Variants in HMGCLL1 observed in about 807,000 individuals in gnomAD.
HMGCLL1 encodes 3-hydroxy-3-methylglutaryl-CoA lyase like 1.
Under a neutral mutation model 39.1 loss-of-function variants are expected in HMGCLL1, and 36 were observed. That is an observed-to-expected ratio of 0.92 (90% confidence interval 0.71 to 1.22). The LOEUF is 1.22. Among genes scored for constraint, HMGCLL1 ranks in the 50% most tolerant of loss-of-function variants. The pLI, the probability that HMGCLL1 is intolerant of heterozygous loss-of-function variation, is 0.00. For missense variants in HMGCLL1, 451 were observed against 416.5 expected (o/e 1.08, Z -0.72); for synonymous variants, 149 against 144.0 (o/e 1.03, Z -0.25).
chr6:55,438,598 T>C (rs1251363778), intron 8 of HMGCLL1, among the ~76,000 whole-genome samples: 3 of 151,924 alleles, frequency 2.0e-5, no homozygotes, highest in Non-Finnish European at 4.4e-5. Context: ...CACATGGTAG[T>C]GAAAACCTGA....
the HMGCLL1 span, among the ~76,000 whole-genome samples, chr6:55,618,515 T>A: frequency 6.6e-6 from 1 of 150,652 alleles, no homozygotes; most frequent in Non-Finnish European, 1.5e-5. Context: ...ATCAAAAAAA[T>A]AATTCAATGT....
At chr6:55,496,696 A>G (rs1766600482) in intron 6 of HMGCLL1, among the ~76,000 whole-genome samples, 1 of 151,114 alleles carries the variant, frequency 6.6e-6, no homozygotes, top group Admixed American at 6.6e-5. Context: ...AGTGCTCCCA[A>G]GAAGCAGAAA....
the HMGCLL1 span, among the ~76,000 whole-genome samples, chr6:55,677,462 A>T: frequency 6.6e-6 from 1 of 152,206 alleles, no homozygotes; most frequent in Non-Finnish European, 1.5e-5. Context: ...AATTTACTTC[A>T]TTACAATTTA....
chr6:55,555,230 T>C (rs1397065203), intron 1 of HMGCLL1, among the ~76,000 whole-genome samples: 1 of 152,166 alleles, frequency 6.6e-6, no homozygotes, highest in African/African-American at 2.4e-5. Flanking sequence ...CCTGAGCATT[T>C]GCATTTGCCC....
chr6:55,520,277 T>TAAAG (rs1767973045), intron 3 of HMGCLL1, among the ~76,000 whole-genome samples: 2 of 118,816 alleles, frequency 1.7e-5, no homozygotes, highest in African/African-American at 3.1e-5. Context: ...AATAAATAAA[T>TAAAG]AAAAGAAAAA....
At chr6:55,555,874 G>A (rs1310833111) in intron 1 of HMGCLL1, among the ~76,000 whole-genome samples, 1 of 152,164 alleles carries the variant, frequency 6.6e-6, no homozygotes, top group Non-Finnish European at 1.5e-5. Context: ...CTTTTAAACA[G>A]TAGGTCCCAT....
In HMGCLL1 at chr6:55,514,194, A is replaced by C; in HGVS notation, c.396T>G (p.Val132=). Residue 132 remains valine (V), a splice_region_variant and synonymous_variant, in exon 5 of 9, where the codon GTT becomes GTG. Coordinates refer to ENST00000274901, the MANE Select transcript of HMGCLL1 (RefSeq NM_001042406.2). ...CTGATATCTCAGTAGCTCCAGCAGCAACCTGAAAAATATATAATTTAAAGC... is the reference window on the plus strand; with the variant it reads ...CTGATATCTCAGTAGCTCCAGCAGCCACCTGAAAAATATATAATTTAAAGC... The part of the protein sequence containing the change: ...TPNLQGFHHA[V]AAGATEISVF... 6.3e-7 allele frequency: 1 copy of C among 1,596,872 alleles called. No individual in the cohort carries two copies. Among genetic ancestry groups the C allele is most frequent in the Non-Finnish European group, 8.5e-7 (1 of 1,175,074 alleles).
the HMGCLL1 span, among the ~76,000 whole-genome samples, chr6:55,650,120 TATATATATATATATAC>T: frequency 4.8e-4 from 38 of 79,906 alleles, no homozygotes; most frequent in South Asian, 1.7e-3. Flanking sequence ...TATATATATA[TATATATATATATATAC>T]ACACACACAC....
At chr6:55,575,026 G>A (rs983292073) in intron 1 of HMGCLL1, among the ~76,000 whole-genome samples, 1 of 152,010 alleles carries the variant, frequency 6.6e-6, no homozygotes, top group Non-Finnish European at 1.5e-5. Flanking sequence ...GCATTAATAT[G>A]TGAAGAGATT....
At chr6:55,457,656 T>C (rs1358118461) in intron 7 of HMGCLL1, among the ~76,000 whole-genome samples, 1 of 152,188 alleles carries the variant, frequency 6.6e-6, no homozygotes, top group Non-Finnish European at 1.5e-5. Flanking sequence ...CCTTCTTTTT[T>C]CCTTCGTTCT....
the HMGCLL1 span, among the ~76,000 whole-genome samples, chr6:55,667,456 C>A: frequency 6.6e-6 from 1 of 151,720 alleles, no homozygotes; most frequent in South Asian, 2.1e-4. Context: ...AGATAAGAAT[C>A]CTGGATGCAG....
intron 3 of HMGCLL1, among the ~76,000 whole-genome samples, chr6:55,525,118 T>A (rs73449053): frequency 0.036 from 5,510 of 151,818 alleles, 343 homozygotes; most frequent in African/African-American, 0.13. Flanking sequence ...GCTCTGCCAC[T>A]GTTAGCATAA....
intron 1 of HMGCLL1, among the ~76,000 whole-genome samples, chr6:55,562,945 A>C (rs1581953431): frequency 6.6e-6 from 1 of 152,064 alleles, no homozygotes; most frequent in African/African-American, 2.4e-5. Context: ...AAATGCTTTG[A>C]TATACTACCA....
intron 7 of HMGCLL1, among the ~76,000 whole-genome samples, chr6:55,477,281 TATTATATA>T (rs1561904716): frequency 9.0e-5 from 2 of 22,160 alleles, no homozygotes; most frequent in African/African-American, 3.7e-4. Flanking sequence ...ATATATTATA[TATTATATA>T]TAAAATAATA....
Position 55,579,094 on chromosome 6 carries a change from C to A in HMGCLL1, c.-39G>T. ...GCGGCAGTCGGCGAGGGGAGGGAGACTGGAGGAGGATGAGGGGCGGGCACC... is the reference window on the plus strand; with the variant it reads ...GCGGCAGTCGGCGAGGGGAGGGAGAATGGAGGAGGATGAGGGGCGGGCACC... On this transcript the variant is annotated 5_prime_UTR_variant, in exon 1 of 9. Coordinates refer to ENST00000274901, the MANE Select transcript of HMGCLL1 (RefSeq NM_001042406.2). The A allele has an allele frequency of 6.7e-7, 1 of 1,492,806 alleles. No individual in the cohort carries two copies. The highest frequency in any genetic ancestry group is 9.2e-7 in the Non-Finnish European group (1 of 1,082,720). 92.5% of individuals were successfully genotyped at this position (1,492,806 alleles called of 1,614,324 possible). A position where few individuals can be genotyped will look rare whatever the true frequency, so the allele number is the denominator to read the frequency against.
the HMGCLL1 span, among the ~76,000 whole-genome samples, chr6:55,631,523 TC>T: frequency 6.6e-6 from 1 of 152,076 alleles, no homozygotes; most frequent in South Asian, 2.1e-4. Flanking sequence ...AACAATGCAG[TC>T]CCAGGAAAAG....
At chr6:55,462,669 T>C (rs1031029047) in intron 7 of HMGCLL1, among the ~76,000 whole-genome samples, 15 of 152,220 alleles carry the variant, frequency 9.9e-5, no homozygotes, top group African/African-American at 3.6e-4. Flanking sequence ...GCCAGCCATC[T>C]TTACCTGTGC....
chr6:55,628,401 A>T, the HMGCLL1 span, among the ~76,000 whole-genome samples: 1 of 150,536 alleles, frequency 6.6e-6, no homozygotes, highest in East Asian at 2.0e-4. Flanking sequence ...TCCTGGGTTC[A>T]AACAATTCTC....
chr6:55,518,449 A>G (rs1353204530), intron 3 of HMGCLL1, among the ~76,000 whole-genome samples: 1 of 152,128 alleles, frequency 6.6e-6, no homozygotes, highest in Non-Finnish European at 1.5e-5. Context: ...CCAGGATCTC[A>G]CCACTTTTCA....
Sources: allele counts gnomAD v4.1 joint callset (sites outside exome capture counted in the v4.1 genomes callset), GRCh38; gene constraint gnomAD v4.1.1; transcripts MANE v1.5; gene names NCBI Gene and HGNC (gene_info 2026-07-23, HGNC 2026-07-21).